Variants in MAF observed in about 807,000 individuals in gnomAD.
MAF encodes the protein MAF bZIP transcription factor.
Under a neutral mutation model 22.0 loss-of-function variants are expected in MAF, and 10 were observed. The observed-to-expected ratio is 0.45, with a 90% CI of 0.28 to 0.77. The LOEUF (loss-of-function observed/expected upper bound fraction) is 0.77, where lower values mean the gene tolerates loss of function less well. Among genes scored for constraint, MAF ranks in the 30% least tolerant of loss-of-function variants. The pLI, the probability that MAF is intolerant of heterozygous loss-of-function variation, is 0.12. For missense variants in MAF, 544 were observed against 548.4 expected (o/e 0.99, Z 0.08); for synonymous variants, 337 against 255.8 (o/e 1.32, Z -3.03).
At chr16:79,557,801 T>TA in the MAF span, among the ~76,000 whole-genome samples, 1 of 151,954 alleles carries the variant, frequency 6.6e-6, no homozygotes, top group East Asian at 1.9e-4. Flanking sequence ...GGCAAAGATA[T>TA]AAGATGAGAA....
At chr16:79,402,438 C>T in the MAF span, among the ~76,000 whole-genome samples, 13 of 152,316 alleles carry the variant, frequency 8.5e-5, no homozygotes, top group African/African-American at 2.4e-4. Context: ...TCAGAGGCTA[C>T]AAGCATTCTT....
chr16:79,287,890 C>T, the MAF span, among the ~76,000 whole-genome samples: 1 of 152,184 alleles, frequency 6.6e-6, no homozygotes, highest in African/African-American at 2.4e-5. Context: ...AGACAAGGCA[C>T]ATTTTAATTT....
the MAF span, among the ~76,000 whole-genome samples, chr16:79,275,846 T>C: frequency 6.6e-6 from 1 of 152,018 alleles, no homozygotes; most frequent in African/African-American, 2.4e-5. Flanking sequence ...TGAAAAATGA[T>C]TTGAAACAGG....
chr16:79,571,086 C>T, the MAF span, among the ~76,000 whole-genome samples: 1 of 151,036 alleles, frequency 6.6e-6, no homozygotes, highest in Admixed American at 6.6e-5. Context: ...TTTGCTCCAC[C>T]CTGAGGAATC....
At chr16:79,553,646 A>C in the MAF span, among the ~76,000 whole-genome samples, 1 of 152,256 alleles carries the variant, frequency 6.6e-6, no homozygotes, top group African/African-American at 2.4e-5. Context: ...AGAGCCTCAA[A>C]GAAAGCCCAG....
the MAF span, among the ~76,000 whole-genome samples, chr16:79,346,503 A>AG: frequency 6.6e-6 from 1 of 152,196 alleles, no homozygotes; most frequent in Admixed American, 6.5e-5. Context: ...CTAACGGCAA[A>AG]GAAAAAAAAA....
At chr16:79,597,085 T>A (rs754064092) in intron 1 of MAF, 146 of 1,058,480 alleles carry the variant, frequency 1.4e-4, no homozygotes, top group Non-Finnish European at 1.6e-4. Context: ...ACCCAACTTA[T>A]ATTTAAGTTG....
At chr16:79,236,788 G>C in the MAF span, among the ~76,000 whole-genome samples, 756 of 151,938 alleles carry the variant, frequency 5.0e-3, 7 homozygotes, top group African/African-American at 0.017. Flanking sequence ...GTTCTTATTA[G>C]GAGTTAAAGA....
the MAF span, among the ~76,000 whole-genome samples, chr16:79,498,434 T>G: frequency 6.6e-6 from 1 of 152,216 alleles, no homozygotes; most frequent in African/African-American, 2.4e-5. Flanking sequence ...TTTTCAACAG[T>G]TGAAAAACTC....
At chr16:79,441,627 C>G in the MAF span, among the ~76,000 whole-genome samples, 1 of 152,204 alleles carries the variant, frequency 6.6e-6, no homozygotes, top group African/African-American at 2.4e-5. Flanking sequence ...AAAAAGTACT[C>G]TAAACTGACA....
the MAF span, among the ~76,000 whole-genome samples, chr16:79,352,333 C>A: frequency 5.3e-5 from 8 of 152,210 alleles, no homozygotes; most frequent in African/African-American, 1.9e-4. Flanking sequence ...ATAGAGGGTG[C>A]TCTGGGGCAC....
the MAF span, among the ~76,000 whole-genome samples, chr16:79,572,264 G>C: frequency 6.6e-6 from 1 of 152,162 alleles, no homozygotes; most frequent in East Asian, 1.9e-4. Flanking sequence ...AAAGAGGTGT[G>C]TGGAGGGACG....
chr16:79,441,412 G>C, the MAF span, among the ~76,000 whole-genome samples: 1 of 152,190 alleles, frequency 6.6e-6, no homozygotes, highest in Non-Finnish European at 1.5e-5. Context: ...AATCTGTTTG[G>C]TTTTGCAGAC....
At chr16:79,549,341 G>T in the MAF span, among the ~76,000 whole-genome samples, 1 of 152,136 alleles carries the variant, frequency 6.6e-6, no homozygotes, top group Non-Finnish European at 1.5e-5. Context: ...ATGATACAAG[G>T]TCAGAACACC....
At chr16:79,400,668 G>C in the MAF span, among the ~76,000 whole-genome samples, 65 of 152,340 alleles carry the variant, frequency 4.3e-4, 1 homozygote, top group South Asian at 0.013. Context: ...GACTATTCCA[G>C]ACCACTCTGC....
the MAF span, among the ~76,000 whole-genome samples, chr16:79,429,341 G>A: frequency 1.8e-4 from 27 of 152,288 alleles, no homozygotes; most frequent in African/African-American, 6.3e-4. Flanking sequence ...ACAAAGCAGA[G>A]GACCGACGGA....
the MAF span, among the ~76,000 whole-genome samples, chr16:79,296,108 C>T: frequency 6.6e-6 from 1 of 152,182 alleles, no homozygotes; most frequent in Admixed American, 6.5e-5. Context: ...GTCTCACTTG[C>T]TCTTTCTTAG....
the MAF span, among the ~76,000 whole-genome samples, chr16:79,338,821 A>C: frequency 6.6e-6 from 1 of 152,254 alleles, no homozygotes; most frequent in South Asian, 2.1e-4. Flanking sequence ...GAAAAGGGGA[A>C]ATCCTAATTT....
chr16:79,324,574 A>G, the MAF span, among the ~76,000 whole-genome samples: 4 of 152,180 alleles, frequency 2.6e-5, no homozygotes, highest in Non-Finnish European at 1.5e-5. Context: ...TATACAAATA[A>G]GAATCGGAGG....
Sources: allele counts gnomAD v4.1 joint callset (sites outside exome capture counted in the v4.1 genomes callset), GRCh38; gene constraint gnomAD v4.1.1; transcripts MANE v1.5; gene names NCBI Gene and HGNC (gene_info 2026-07-23, HGNC 2026-07-21).